SPMIP7: variants seen among roughly 807,000 people sequenced by gnomAD.
SPMIP7 encodes protein SPMIP7.
chr7:50,096,227 G>A, the SPMIP7 span: 1 of 1,551,756 alleles, frequency 6.4e-7, no homozygotes, highest in Non-Finnish European at 8.7e-7. Flanking sequence ...GAAAGGTCTT[G>A]AGAACAGACA....
the SPMIP7 span, among the ~76,000 whole-genome samples, chr7:50,151,913 C>G: frequency 5.9e-5 from 9 of 152,182 alleles, no homozygotes; most frequent in Admixed American, 5.9e-4. Flanking sequence ...ACACATCACC[C>G]TTCTGCATGA....
the SPMIP7 span, among the ~76,000 whole-genome samples, chr7:50,127,838 A>G: frequency 2.6e-5 from 4 of 151,998 alleles, no homozygotes; most frequent in African/African-American, 7.2e-5. Flanking sequence ...GATATGGAGG[A>G]AGGAAAACTT....
chr7:50,109,030 C>T, the SPMIP7 span, among the ~76,000 whole-genome samples: 69 of 152,242 alleles, frequency 4.5e-4, no homozygotes, highest in African/African-American at 1.6e-3. Flanking sequence ...TAATTTCAGG[C>T]TTGTTTTGCC....
chr7:50,157,225 A>T, the SPMIP7 span, among the ~76,000 whole-genome samples: 2 of 152,212 alleles, frequency 1.3e-5, no homozygotes, highest in Admixed American at 6.5e-5. Flanking sequence ...TTTGGAGCAA[A>T]GTGCACAGGG....
chr7:50,145,448 T>C, the SPMIP7 span, among the ~76,000 whole-genome samples: 1 of 149,804 alleles, frequency 6.7e-6, no homozygotes. Context: ...ACAAGGAACA[T>C]AAAAATTGAA....
At chr7:50,141,184 C>G in the SPMIP7 span, 1 of 763,984 alleles carries the variant, frequency 1.3e-6, no homozygotes, top group Non-Finnish European at 2.1e-6. Flanking sequence ...TCTACTTTGG[C>G]AAATAAATTT....
the SPMIP7 span, chr7:50,136,060 G>T: frequency 1.9e-5 from 27 of 1,435,638 alleles, 1 homozygote; most frequent in South Asian, 6.1e-5. Context: ...ATTATAACGT[G>T]CTCATTAACT....
At chr7:50,121,999 C>T in the SPMIP7 span, among the ~76,000 whole-genome samples, 1 of 151,812 alleles carries the variant, frequency 6.6e-6, no homozygotes, top group Non-Finnish European at 1.5e-5. Flanking sequence ...GGGATTTGAA[C>T]ATGGATATAT....
chr7:50,119,792 T>A, the SPMIP7 span, among the ~76,000 whole-genome samples: 1 of 152,230 alleles, frequency 6.6e-6, no homozygotes, highest in Non-Finnish European at 1.5e-5. Context: ...TACTCAAGAT[T>A]TGGGGATCAC....
At chr7:50,157,978 T>G in the SPMIP7 span, among the ~76,000 whole-genome samples, 33 of 152,340 alleles carry the variant, frequency 2.2e-4, 1 homozygote, top group Admixed American at 2.1e-3. Flanking sequence ...CAAAGTAAAA[T>G]GAAGCCCAGT....
the SPMIP7 span, chr7:50,120,493 C>T: frequency 6.6e-6 from 1 of 152,226 alleles, no homozygotes; most frequent in Non-Finnish European, 1.5e-5. Context: ...GGGTCTTGCC[C>T]ATGGTGCTAA....
chr7:50,125,099 T>TATATATATATATAC, the SPMIP7 span, among the ~76,000 whole-genome samples: 1 of 33,512 alleles, frequency 3.0e-5, no homozygotes, highest in Non-Finnish European at 4.9e-5. Flanking sequence ...ATTAAGTATA[T>TATATATATATATAC]ATATATATAT....
chr7:50,106,154 T>G, the SPMIP7 span, among the ~76,000 whole-genome samples: 9 of 152,340 alleles, frequency 5.9e-5, no homozygotes, highest in South Asian at 2.1e-4. Flanking sequence ...GGATTAATGT[T>G]CCTTTTTTCT....
At chr7:50,136,122 T>A in the SPMIP7 span, 1 of 1,551,440 alleles carries the variant, frequency 6.4e-7, no homozygotes, top group Non-Finnish European at 8.7e-7. Flanking sequence ...CTGGGACAGA[T>A]TTCAAACAAG....
chr7:50,139,159 G>A, the SPMIP7 span, among the ~76,000 whole-genome samples: 132 of 152,016 alleles, frequency 8.7e-4, no homozygotes, highest in Admixed American at 3.6e-3. Context: ...GACCATCCTG[G>A]CCAACGTGGT....
chr7:50,130,619 G>A, the SPMIP7 span, among the ~76,000 whole-genome samples: 1 of 152,106 alleles, frequency 6.6e-6, no homozygotes, highest in Non-Finnish European at 1.5e-5. Flanking sequence ...ATCTTAAAAA[G>A]TGACAGATAA....
chr7:50,121,037 C>T, the SPMIP7 span, among the ~76,000 whole-genome samples: 2 of 152,196 alleles, frequency 1.3e-5, no homozygotes, highest in Admixed American at 1.3e-4. Context: ...GTGTTATATC[C>T]CTTAAGAATT....
At chr7:50,123,175 C>CA in the SPMIP7 span, among the ~76,000 whole-genome samples, 2 of 122,960 alleles carry the variant, frequency 1.6e-5, no homozygotes, top group African/African-American at 6.6e-5. Context: ...CCCAAATGTC[C>CA]AACAATGATA....
At chr7:50,106,888 G>T in the SPMIP7 span, among the ~76,000 whole-genome samples, 1 of 152,136 alleles carries the variant, frequency 6.6e-6, no homozygotes, top group South Asian at 2.1e-4. Flanking sequence ...ATCACTTGAG[G>T]CCAGGAGTTT....
Sources: allele counts gnomAD v4.1 joint callset (sites outside exome capture counted in the v4.1 genomes callset), GRCh38; gene constraint gnomAD v4.1.1; transcripts MANE v1.5; gene names NCBI Gene and HGNC (gene_info 2026-07-23, HGNC 2026-07-21).